The following BRAP variants were observed in gnomAD, a reference collection of about 807,000 sequenced individuals.
BRAP encodes the protein BRCA1 associated protein.
Under a neutral mutation model 73.4 loss-of-function variants are expected in BRAP, and 42 were observed. That is an observed-to-expected ratio of 0.57 (90% CI 0.45 to 0.74). The LOEUF (loss-of-function observed/expected upper bound fraction) is 0.74, where lower values mean the gene tolerates loss of function less well. BRAP is among the 30% of genes least tolerant of loss of function. The pLI, the probability that BRAP is intolerant of heterozygous loss-of-function variation, is 0.00. For missense variants in BRAP, 593 were observed against 751.4 expected, an observed-to-expected ratio of 0.79 and a Z score of 2.46; for synonymous variants, 255 against 267.4, an observed-to-expected ratio of 0.95 and a Z score of 0.45.
chr12:111,663,111 C>T (rs916494047), intron 6 of BRAP, among the ~76,000 whole-genome samples: 5 of 152,044 alleles, frequency 3.3e-5, no homozygotes, highest in Non-Finnish European at 5.9e-5. Flanking sequence ...TGTAAACAAA[C>T]AATTAGCATT....
rs748639013 is a variant in BRAP, at chr12:111,660,648, C to T, written c.924G>A (p.Thr308=). ...TTCPVCRYCQ[T]PEPVEENKCF... ...ACTTATTTTCTTCTACTGGCTCGGGCGTTTGACAGTACCGGCAAACAGGAC... is the reference window on the plus strand; with the variant it reads ...ACTTATTTTCTTCTACTGGCTCGGGTGTTTGACAGTACCGGCAAACAGGAC... The change falls in exon 7 of 12, where the codon ACG becomes ACA. Residue 308 remains threonine (T), a synonymous_variant. Transcript: ENST00000419234. 6.8e-5 allele frequency: 110 copies of T among 1,607,418 alleles called. No individual in the cohort carries two copies. The highest frequency in any genetic ancestry group is 1.7e-4 in the Middle Eastern group (1 of 6,058).
Position 111,679,188 on chromosome 12 carries a change from G to A in BRAP, c.596C>T (p.Pro199Leu). Residue 199 changes from proline to leucine, a missense_variant, in exon 4 of 12, where the codon CCC (proline) becomes CTC (leucine). Physicochemically the swap from Pro to Leu is moderately conservative, Grantham distance 98. Coordinates refer to ENST00000419234, the MANE Select transcript of BRAP (RefSeq NM_006768.5). ...CTTTATCAGCACCATATATTGGTTG[G>A]GAGTAGAGTCTCTGATAATTTTCAT... ...EQMKIIRDSTPNQYMVLIKFR... is the reference protein window; with the variant it reads ...EQMKIIRDSTLNQYMVLIKFR... 6.2e-7 allele frequency: 1 copy of A among 1,603,672 alleles called. No homozygotes were observed. Among genetic ancestry groups the A allele is most frequent in the Non-Finnish European group, 8.5e-7 (1 of 1,174,226 alleles).
chr12:111,669,228 CTCTCT>C (rs945191820), intron 5 of BRAP, among the ~76,000 whole-genome samples: 6 of 151,412 alleles, frequency 4.0e-5, no homozygotes, highest in Non-Finnish European at 1.5e-5. Context: ...ATTTGCTTCT[CTCTCT>C]TTTTTTTTTT....
intron 9 of BRAP, among the ~76,000 whole-genome samples, chr12:111,658,370 G>A (rs1309002737): frequency 1.3e-5 from 2 of 150,394 alleles, no homozygotes; most frequent in Non-Finnish European, 2.9e-5. Context: ...ACCCGATCTC[G>A]GCTCACTGCA....
chr12:111,649,234 C>A (rs1257758042), intron 11 of BRAP, among the ~76,000 whole-genome samples: 2 of 152,200 alleles, frequency 1.3e-5, no homozygotes, highest in East Asian at 3.9e-4. Flanking sequence ...CTCACTGCAG[C>A]TTCTGCCTCC....
At chr12:111,651,300 G>A (rs1175309431) in intron 10 of BRAP, among the ~76,000 whole-genome samples, 1 of 152,032 alleles carries the variant, frequency 6.6e-6, no homozygotes, top group Non-Finnish European at 1.5e-5. Context: ...GGCATTTTGG[G>A]AGGCCGAGAC....
At chr12:111,650,067 T>A in intron 10 of BRAP, 25 bp from the exon 11 acceptor site, 1 of 1,497,296 alleles carries the variant, frequency 6.7e-7, no homozygotes, top group South Asian at 1.1e-5. Context: ...AGAAATCAGA[T>A]TCATTTCACA....
intron 11 of BRAP, among the ~76,000 whole-genome samples, chr12:111,645,905 G>A (rs1886094419): frequency 1.3e-5 from 2 of 152,142 alleles, no homozygotes; most frequent in Admixed American, 1.3e-4. Flanking sequence ...CTGGAGGATT[G>A]CTTGATCCCA....
chr12:111,663,206 C>A (rs1047787027), intron 6 of BRAP, among the ~76,000 whole-genome samples: 4 of 152,266 alleles, frequency 2.6e-5, no homozygotes, highest in African/African-American at 9.6e-5. Context: ...ATAATCCCAG[C>A]ACTCTGGGAG....
chr12:111,668,742 C>T lies in BRAP; in HGVS notation c.748-2955G>A, dbSNP rs562148379. 5.3e-5 allele frequency among the ~76,000 whole-genome samples: 8 copies of T among 151,842 alleles called. No individual in the cohort carries two copies. The South Asian group carries it at 1.5e-3, about 28-fold the overall frequency. ...CACAATCTCGGCTCACTGCAAGCTC[C>T]GCCTCCCGGGTTCACGCCATTCTCC... On this transcript the variant is annotated intron_variant, in intron 5 of 11. Transcript: ENST00000419234.
rs1162307759 is a variant in BRAP at position 111,665,949 on chromosome 12, C to A, written c.748-162G>T. Among the ~76,000 whole-genome samples the A allele has an allele frequency of 6.6e-6, 1 of 152,230 alleles. No individual in the cohort carries two copies. The highest frequency in any genetic ancestry group is 6.5e-5 in the Admixed American group (1 of 15,286). Reference sequence around the variant, plus strand: ...CCTTGACCTCCCAGGCTCAAGAGATCTGCCCACCTCAGGCTCCCCAGTAGC... The same window carrying A: ...CCTTGACCTCCCAGGCTCAAGAGATATGCCCACCTCAGGCTCCCCAGTAGC... On this transcript the variant is annotated intron_variant, in intron 5 of 11. Transcript: ENST00000419234. The surrounding 1 kb of genome is among the most constrained non-coding windows in gnomAD (Gnocchi z 4.3).
rs1331115300 is a variant in BRAP at position 111,672,552 on chromosome 12, TTC to T, written c.747+107_747+108del. ...CTGCCCTGATAACCACCAGTCTACT[TTC>T]TGTGTCTATGGACTGGCCTATTCTG... On this transcript the variant is annotated intron_variant, in intron 5 of 11. Transcript: ENST00000419234. The T allele has an allele frequency of 5.5e-6, 5 of 903,752 alleles. No homozygotes were observed. The African/African-American group carries it at 8.4e-5, about 15-fold the overall frequency. The allele number at this position is 903,752 out of a possible 1,614,324, so 56.0% of individuals were successfully genotyped here.
At chr12:111,654,896 G>T (rs1288288247) in intron 10 of BRAP, among the ~76,000 whole-genome samples, 1 of 152,094 alleles carries the variant, frequency 6.6e-6, no homozygotes, top group Non-Finnish European at 1.5e-5. Context: ...CCAAAGAAAG[G>T]TTCCTAGAGC....
chr12:111,655,496 C>A, intron 10 of BRAP, 70 bp downstream of exon 10: 1 of 1,276,926 alleles, frequency 7.8e-7, no homozygotes, highest in South Asian at 1.2e-5. Context: ...TGTACTCTGC[C>A]TTCCACACCC....
chr12:111,659,354 A>C lies in BRAP; in HGVS notation c.973-9T>G. On this transcript the variant is annotated splice_polypyrimidine_tract_variant and intron_variant, in intron 7 of 11. Coordinates refer to ENST00000419234, the MANE Select transcript of BRAP (RefSeq NM_006768.5). ...AAACAAATCCAAAGATTCTGCCGGA[A>C]GAGGTAAGATCTTAATTAGTTAAAT... 2 of 1,610,974 alleles carry C rather than the reference A, an allele frequency of 1.2e-6. No individual in the cohort carries two copies. The highest frequency in any genetic ancestry group is 1.7e-6 in the Non-Finnish European group (2 of 1,178,128).
intron 10 of BRAP, among the ~76,000 whole-genome samples, chr12:111,650,509 ACCTGC>A (rs1311587642): frequency 6.6e-6 from 1 of 152,034 alleles, no homozygotes; most frequent in African/African-American, 2.4e-5. Flanking sequence ...CAGGTGATCC[ACCTGC>A]CTCGGCCTCC....
rs1216547864 is a variant in BRAP at position 111,685,789 on chromosome 12, T to C, written c.4A>G (p.Ser2Gly). 1 of 1,593,070 alleles carries C rather than the reference T, an allele frequency of 6.3e-7. No homozygotes were observed. The highest frequency in any genetic ancestry group is 1.7e-5 in the Admixed American group (1 of 58,054). The change falls in exon 1 of 12, where the codon AGT (serine) becomes GGT (glycine). Residue 2 changes from serine (S) to glycine (G), a missense_variant. Physicochemically the swap from Ser to Gly is moderately conservative, Grantham distance 56 (BLOSUM62 0). Coordinates refer to ENST00000419234, the MANE Select transcript of BRAP (RefSeq NM_006768.5). M[S>G]VSLVVIRLEL... The stretch of plus-strand genomic sequence containing the variant: ...AATCGGATAACAACCAGTGACACAC[T>C]CATAGGGCAGGCGCTGGCCGGCGCG...
intron 11 of BRAP, among the ~76,000 whole-genome samples, chr12:111,645,920 G>C (rs1886094728): frequency 6.6e-6 from 1 of 152,102 alleles, no homozygotes; most frequent in African/African-American, 2.4e-5. Context: ...ATCCCAGCAG[G>C]TCAAGGCTGC....
intron 3 of BRAP, 38 bp downstream of exon 3, chr12:111,681,599 A>T (rs1428692736): frequency 1.3e-6 from 2 of 1,528,864 alleles, no homozygotes; most frequent in Admixed American, 4.2e-5. Flanking sequence ...AAAAAAAAAA[A>T]AAATTGACTA....
Sources: gnomAD v4.1 joint callset for allele counts (sites outside exome capture counted in the v4.1 genomes callset) on GRCh38, gnomAD v4.1.1 for gene constraint, Gnocchi (gnomAD v3.1) non-coding constraint, MANE v1.5 for transcripts, NCBI Gene and HGNC (gene_info 2026-07-23, HGNC 2026-07-21) for gene names.